The following STRN variants were observed in gnomAD, a reference collection of about 807,000 sequenced individuals.
The protein encoded by STRN is striatin, also known as protein phosphatase 2 regulatory subunit B'''alpha.
Under a neutral mutation model 96.3 loss-of-function variants are expected in STRN, and 53 were observed. The observed-to-expected ratio is 0.55, with a 90% CI of 0.44 to 0.69. STRN has a LOEUF of 0.69. STRN is among the 30% of genes least tolerant of loss of function. The pLI, the probability that STRN is intolerant of heterozygous loss-of-function variation, is 0.00. For missense variants in STRN, 987 were observed against 963.9 expected, an observed-to-expected ratio of 1.02 and a Z score of -0.32; for synonymous variants, 428 against 355.9, an observed-to-expected ratio of 1.20 and a Z score of -2.28.
intron 1 of STRN, among the ~76,000 whole-genome samples, chr2:36,949,091 T>A (rs564466113): frequency 6.6e-6 from 1 of 152,228 alleles, no homozygotes; most frequent in Non-Finnish European, 1.5e-5. Context: ...TCTACGTTTA[T>A]GGCTTGGATA....
intron 3 of STRN, among the ~76,000 whole-genome samples, chr2:36,913,651 G>T (rs1194328033): frequency 6.6e-6 from 1 of 152,072 alleles, no homozygotes; most frequent in East Asian, 1.9e-4. Flanking sequence ...GGGCATTGTT[G>T]TCTTATTCAC....
At chr2:36,965,036 C>G (rs981585482) in intron 1 of STRN, among the ~76,000 whole-genome samples, 4 of 152,166 alleles carry the variant, frequency 2.6e-5, no homozygotes, top group African/African-American at 9.7e-5. Context: ...CTTGTGTGTT[C>G]GCTCTTTCCA....
intron 1 of STRN, among the ~76,000 whole-genome samples, chr2:36,930,962 G>A (rs1367900156): frequency 6.6e-6 from 1 of 151,984 alleles, no homozygotes; most frequent in African/African-American, 2.4e-5. Context: ...GAACCTGAGA[G>A]GTAGAGGTTG....
intron 15 of STRN, among the ~76,000 whole-genome samples, chr2:36,854,312 C>G (rs1417860705): frequency 1.3e-5 from 2 of 152,132 alleles, no homozygotes; most frequent in African/African-American, 2.4e-5. Flanking sequence ...TTTTCCAATT[C>G]TATCACCTGA....
At chr2:36,856,629 T>C (rs1668347556) in intron 14 of STRN, among the ~76,000 whole-genome samples, 1 of 152,098 alleles carries the variant, frequency 6.6e-6, no homozygotes, top group Non-Finnish European at 1.5e-5. Context: ...TGGCTGGGAA[T>C]AAGGAAAGGA....
chr2:36,947,898 A>T (rs1042609197), intron 1 of STRN, among the ~76,000 whole-genome samples: 1 of 151,796 alleles, frequency 6.6e-6, no homozygotes, highest in Non-Finnish European at 1.5e-5. Context: ...CATTCTGCTT[A>T]TTTGTCTCAT....
chr2:36,919,300 A>C (rs1670187313), intron 2 of STRN, among the ~76,000 whole-genome samples: 1 of 152,228 alleles, frequency 6.6e-6, no homozygotes, highest in South Asian at 2.1e-4. Flanking sequence ...AGCAAGTATT[A>C]CAAGAATGCA....
intron 2 of STRN, among the ~76,000 whole-genome samples, chr2:36,921,523 C>CT (rs1412858536): frequency 1.3e-5 from 2 of 152,300 alleles, no homozygotes; most frequent in Non-Finnish European, 2.9e-5. Flanking sequence ...CATATCTGCT[C>CT]TTTAATTCTT....
At chr2:36,889,954 G>A (rs1669344711) in intron 7 of STRN, among the ~76,000 whole-genome samples, 1 of 152,146 alleles carries the variant, frequency 6.6e-6, no homozygotes, top group African/African-American at 2.4e-5. Context: ...ATAATACACT[G>A]AGCTATGACT....
At chr2:36,921,239 C>T (rs1670247336) in intron 2 of STRN, among the ~76,000 whole-genome samples, 1 of 152,136 alleles carries the variant, frequency 6.6e-6, no homozygotes, top group South Asian at 2.1e-4. Context: ...TGACTATTTT[C>T]AGTATACAAC....
Position 36,884,091 on chromosome 2 carries a change from G to C in STRN, c.1043-16C>G, listed in dbSNP as rs374202930. 5.3e-6 allele frequency: 7 copies of C among 1,319,682 alleles called. No individual in the cohort carries two copies. The highest frequency in any genetic ancestry group is 6.8e-6 in the Non-Finnish European group (7 of 1,024,978). 81.7% of individuals were successfully genotyped at this position (1,319,682 alleles called of 1,614,324 possible). On this transcript the variant is annotated splice_polypyrimidine_tract_variant and intron_variant, in intron 8 of 17. Transcript: ENST00000263918. ...CTATTGGGCCCTAGCCAAAAAAAGG[G>C]GGGGTGGGAGGAGATAAAAAAGAGA...
intron 10 of STRN, among the ~76,000 whole-genome samples, chr2:36,877,028 A>T (rs1402581612): frequency 1.3e-5 from 2 of 152,110 alleles, no homozygotes. Context: ...GATTACAGGG[A>T]TGAGCCACTG....
rs1213214905 is a variant in STRN, at chr2:36,966,500, CAGCAGCGGAGGCAACAGCGGCGGCA to C, written c.-62_-38del. 18 of 1,387,092 alleles carry C rather than the reference CAGCAGCGGAGGCAACAGCGGCGGCA, an allele frequency of 1.3e-5. No homozygotes were observed. The highest frequency in any genetic ancestry group is 1.7e-5 in the Non-Finnish European group (18 of 1,074,758). The allele number at this position is 1,387,092 out of a possible 1,614,324, so 85.9% of individuals were successfully genotyped here. ...ATACCCGGGGAGCTGCCCCGGCGCC[CAGCAGCGGAGGCAACAGCGGCGGCA>C]AGCAGCGCCTCCTCCTCCCTCCGCC... On this transcript the variant is annotated 5_prime_UTR_variant, in exon 1 of 18. Transcript: ENST00000263918.
intron 1 of STRN, among the ~76,000 whole-genome samples, chr2:36,950,825 T>C (rs1161815421): frequency 6.6e-6 from 1 of 152,200 alleles, no homozygotes; most frequent in Non-Finnish European, 1.5e-5. Context: ...CTTGGCTAGC[T>C]ATAAGCATCT....
intron 1 of STRN, among the ~76,000 whole-genome samples, chr2:36,955,996 A>C (rs1318832448): frequency 6.6e-6 from 1 of 152,220 alleles, no homozygotes; most frequent in Non-Finnish European, 1.5e-5. Flanking sequence ...GCAACCTGCC[A>C]CACGAGGTCA....
intron 1 of STRN, among the ~76,000 whole-genome samples, chr2:36,931,016 G>C (rs1240474428): frequency 6.6e-6 from 1 of 150,652 alleles, no homozygotes; most frequent in African/African-American, 2.5e-5. Context: ...CTGAATGACA[G>C]AGCAAAATTG....
At chr2:36,854,630 G>A (rs929809713) in intron 15 of STRN, among the ~76,000 whole-genome samples, 3 of 152,112 alleles carry the variant, frequency 2.0e-5, no homozygotes, top group African/African-American at 4.8e-5. Context: ...TATGTATGTC[G>A]TATTCTTCAT....
intron 1 of STRN, among the ~76,000 whole-genome samples, chr2:36,932,471 C>A (rs760482646): frequency 2.0e-5 from 3 of 152,092 alleles, no homozygotes; most frequent in Non-Finnish European, 4.4e-5. Flanking sequence ...CACATTTTAA[C>A]AAACTAGTCA....
At chr2:36,863,661 T>G (rs554868016) in intron 12 of STRN, among the ~76,000 whole-genome samples, 1 of 152,344 alleles carries the variant, frequency 6.6e-6, no homozygotes, top group Non-Finnish European at 1.5e-5. Context: ...CGGGTTTCCA[T>G]ATGAATTTTA....
Sources: allele counts gnomAD v4.1 joint callset (sites outside exome capture counted in the v4.1 genomes callset), GRCh38; gene constraint gnomAD v4.1.1; transcripts MANE v1.5; gene names NCBI Gene and HGNC (gene_info 2026-07-23, HGNC 2026-07-21).